Variants in DDX3Y observed in about 807,000 individuals in gnomAD.
DDX3Y encodes the protein DEAD-box helicase 3 Y-linked.
A neutral mutation model predicts 15.1 loss-of-function variants in DDX3Y; 2 were observed. That is an observed-to-expected ratio of 0.13 (90% confidence interval 0.05 to 0.42). DDX3Y has a LOEUF of 0.42. DDX3Y is among the 10% of genes least tolerant of loss of function. The pLI is 0.99. For synonymous variants in DDX3Y, 47 were observed against 45.0 expected (o/e 1.04, Z -0.18); for missense variants, 81 against 149.9 (o/e 0.54, Z 2.40).
chrY:12,906,356 A>C, intron 1 of DDX3Y, among the ~76,000 whole-genome samples: 1 of 33,503 alleles, frequency 3.0e-5, no homozygotes, highest in South Asian at 6.5e-4. Flanking sequence ...TCTGCCTTTG[A>C]AGGTTATTTT....
intron 12 of DDX3Y, 35 bp downstream of exon 12, chrY:12,916,062 T>C (rs1233189005): frequency 7.9e-6 from 3 of 378,098 alleles, no homozygotes; most frequent in Non-Finnish European, 1.1e-5. Flanking sequence ...CAGTTACATG[T>C]AAAGATAATC....
Position 12,916,370 on chromosome Y carries a change from G to A in DDX3Y, c.1419G>A (p.Arg473=). 2.5e-6 allele frequency: 1 copy of A among 398,681 alleles called. No individual in the cohort carries two copies. The highest frequency in any genetic ancestry group is 3.0e-5 in the South Asian group (1 of 33,781). The part of the protein sequence containing the change: ...GYACTSIHGD[R]SQRDREEALH... ...CTTGTACTAGTATTCATGGAGACCG[G>A]TCACAGAGAGATCGAGAGGAGGCCC... Residue 473 remains arginine, a synonymous_variant, in exon 13 of 17, where the codon CGG becomes CGA. Coordinates refer to ENST00000336079, the MANE Select transcript of DDX3Y (RefSeq NM_004660.5).
chrY:12,910,031 A>G (rs2053623228), intron 3 of DDX3Y, among the ~76,000 whole-genome samples: 4 of 33,512 alleles, frequency 1.2e-4, no homozygotes, highest in African/African-American at 4.7e-4. Context: ...ATTTAAAACC[A>G]AAAGGAAAGA....
intron 7 of DDX3Y, among the ~76,000 whole-genome samples, chrY:12,914,304 CAGT>C (rs2053638631): frequency 2.9e-5 from 1 of 34,153 alleles, no homozygotes; most frequent in Non-Finnish European, 7.3e-5. Flanking sequence ...TACCTTCTAA[CAGT>C]ATGTAGTGAT....
intron 14 of DDX3Y, 74 bp downstream of exon 14, chrY:12,916,708 T>C (rs376384567): frequency 3.7e-6 from 1 of 272,921 alleles, no homozygotes. Context: ...ATCTTAAAAA[T>C]AGAATGTTTA....
Position 12,919,399 on chromosome Y carries a change from A to C in DDX3Y, c.*1277A>C. ...CACTAAAAATGCCTCTCCCACTTGG[A>C]ATTCTGTACTGATTTTGTGGCCAGA... On this transcript the variant is annotated 3_prime_UTR_variant, in exon 17 of 17. Transcript: ENST00000336079. The C allele has an allele frequency of 5.9e-5, 2 of 33,694 alleles. No individual in the cohort carries two copies. Among genetic ancestry groups the C allele is most frequent in the Non-Finnish European group, 1.5e-4 (2 of 13,599 alleles). 8.4% of individuals were successfully genotyped at this position (33,694 alleles called of 400,897 possible).
At position 12,914,611 on chromosome Y, in the gene DDX3Y, T is replaced by C. The variant is rs769695215; in HGVS notation, c.721T>C (p.Tyr241His). ...TCTTTTACCCATACTGAGTCAGATATATACAGATGGTCCAGGAGAAGCTTT... is the reference window on the plus strand; with the variant it reads ...TCTTTTACCCATACTGAGTCAGATACATACAGATGGTCCAGGAGAAGCTTT... ...AFLLPILSQI[Y>H]TDGPGEALKA... Residue 241 changes from tyrosine to histidine, a missense_variant, in exon 8 of 17, where the codon TAT becomes CAT. Around this residue, in one of 2 missense-constraint regions of DDX3Y, gnomAD observed 52 missense variants for 122.8 expected, o/e 0.42. Transcript: ENST00000336079. 7.6e-6 allele frequency: 3 copies of C among 395,613 alleles called. No homozygotes were observed. Among genetic ancestry groups the C allele is most frequent in the Non-Finnish European group, 3.6e-6 (1 of 281,119 alleles).
Position 12,919,800 on chromosome Y carries a change from T to G in DDX3Y, c.*1678T>G, listed in dbSNP as rs2053661066. ...AATGGTAGTTGAGAAGAAAACTATT[T>G]GCACACAACAGATTTTAGATACTTT... On this transcript the variant is annotated 3_prime_UTR_variant, in exon 17 of 17. Coordinates refer to ENST00000336079, the MANE Select transcript of DDX3Y (RefSeq NM_004660.5). 1 of 33,828 alleles carries G rather than the reference T, an allele frequency of 3.0e-5. No individual in the cohort carries two copies. Among genetic ancestry groups the G allele is most frequent in the Admixed American group, 2.7e-4 (1 of 3,702 alleles). 8.4% of individuals were successfully genotyped at this position (33,828 alleles called of 400,897 possible). A position where few individuals can be genotyped will look rare whatever the true frequency, so the allele number is the denominator to read the frequency against.
intron 3 of DDX3Y, among the ~76,000 whole-genome samples, chrY:12,910,972 G>A: frequency 3.5e-5 from 1 of 28,597 alleles, no homozygotes; most frequent in South Asian, 8.4e-4. Flanking sequence ...GTACAGTGGC[G>A]CGATCTCAGC....
At chrY:12,916,204 T>G in intron 12 of DDX3Y, 57 bp from the exon 13 acceptor site, 2 of 371,443 alleles carry the variant, frequency 5.4e-6, no homozygotes, top group Non-Finnish European at 7.7e-6. Flanking sequence ...GTTAATAATT[T>G]AGATTAAGTA....
In DDX3Y at chrY:12,917,547, T is replaced by C; in HGVS notation, c.1903+5T>C. ...ACAGCAGAGGATTTGGTGGAGGTAA[T>C]GTTAATTTTTCTTTTAGGAAGGGCT... On this transcript the variant is annotated splice_donor_5th_base_variant and intron_variant, in intron 16 of 16. Coordinates refer to ENST00000336079, the MANE Select transcript of DDX3Y (RefSeq NM_004660.5). 2 of 383,616 alleles carry C rather than the reference T, an allele frequency of 5.2e-6. No individual in the cohort carries two copies. The highest frequency in any genetic ancestry group is 7.2e-6 in the Non-Finnish European group (2 of 277,757).
At position 12,920,277 on chromosome Y, in the gene DDX3Y, G is replaced by A; in HGVS notation, c.*2155G>A. On this transcript the variant is annotated 3_prime_UTR_variant, in exon 17 of 17. Coordinates refer to ENST00000336079, the MANE Select transcript of DDX3Y (RefSeq NM_004660.5). ...GGTATATTTACAGTCCTCAAACATG[G>A]TTATTTCTGTCAGTGACTTAACATT... 1 of 33,586 alleles carries A rather than the reference G, an allele frequency of 3.0e-5. No individual in the cohort carries two copies. Among genetic ancestry groups the A allele is most frequent in the Non-Finnish European group, 7.4e-5 (1 of 13,528 alleles). 8.4% of individuals were successfully genotyped at this position (33,586 alleles called of 400,897 possible).
chrY:12,904,710 G>T, upstream of DDX3Y: 1 of 145,364 alleles, frequency 6.9e-6, no homozygotes, highest in Non-Finnish European at 1.3e-5. Flanking sequence ...CTAAACGAAC[G>T]CGATTTAGGG....
At chrY:12,905,465 T>C (rs2053608763) in intron 1 of DDX3Y, among the ~76,000 whole-genome samples, 1 of 34,243 alleles carries the variant, frequency 2.9e-5, no homozygotes, top group Non-Finnish European at 7.3e-5. Flanking sequence ...AGTATGGTCT[T>C]TGCTCGGGCA....
In DDX3Y at chrY:12,918,095, C is replaced by A. The variant is rs376106432; in HGVS notation, c.1956C>A (p.Ser652=). The stretch of plus-strand genomic sequence containing the variant: ...ATGGATATGGAGGAAATTATAACTC[C>A]CAGGGGGTTGACTGGTGGGGCAACT... ...NSDGYGGNYN[S]QGVDWWGN Residue 652 remains serine (S), a synonymous_variant, in exon 17 of 17, where the codon TCC becomes TCA. Coordinates refer to ENST00000336079, the MANE Select transcript of DDX3Y (RefSeq NM_004660.5). The A allele has an allele frequency of 2.6e-6, 1 of 391,060 alleles. No individual in the cohort carries two copies. The highest frequency in any genetic ancestry group is 6.4e-5 in the African/African-American group (1 of 15,576).
At chrY:12,916,700 C>A (rs750249950) in intron 14 of DDX3Y, 66 bp downstream of exon 14, 2 of 279,909 alleles carry the variant, frequency 7.1e-6, no homozygotes, top group Non-Finnish European at 1.1e-5. Context: ...GACACAGAAT[C>A]TTAAAAATAG....
chrY:12,907,694 C>G, intron 2 of DDX3Y, 100 bp downstream of exon 2: 1 of 127,352 alleles, frequency 7.9e-6, no homozygotes, highest in Non-Finnish European at 1.4e-5. Flanking sequence ...TTCTTTACAA[C>G]TTGACTATAT....
intron 1 of DDX3Y, chrY:12,905,708 G>A: frequency 3.3e-6 from 1 of 303,840 alleles, no homozygotes; most frequent in Non-Finnish European, 4.5e-6. Context: ...TGACGCAGAA[G>A]GACCGGAAAG....
chrY:12,909,234 G>A, intron 2 of DDX3Y, 126 bp from the exon 3 acceptor site: 1 of 176,650 alleles, frequency 5.7e-6, no homozygotes. Context: ...ATCTTGCAAA[G>A]TAGTTTATTG....
Sources: allele counts gnomAD v4.1 joint callset (sites outside exome capture counted in the v4.1 genomes callset), GRCh38; gene constraint gnomAD v4.1.1; regional missense constraint gnomAD v4.1.1; transcripts MANE v1.5; gene names NCBI Gene and HGNC (gene_info 2026-07-23, HGNC 2026-07-21).